Variants in SHISAL1 observed in about 807,000 individuals in gnomAD.
SHISAL1 encodes the protein protein shisa-like-1.
SHISAL1 carries 9 observed loss-of-function variants against 22.6 expected under a neutral mutation model. That is an observed-to-expected ratio of 0.40 (90% confidence interval 0.24 to 0.70). The LOEUF is 0.70. Among genes scored for constraint, SHISAL1 ranks in the 30% least tolerant of loss-of-function variants. The pLI is 0.39. For missense variants in SHISAL1, 246 were observed against 270.6 expected (o/e 0.91, Z 0.64); for synonymous variants, 119 against 115.4 (o/e 1.03, Z -0.20).
At chr22:44,272,805 C>A (rs187587085) in intron 4 of SHISAL1, among the ~76,000 whole-genome samples, 8 of 152,334 alleles carry the variant, frequency 5.3e-5, no homozygotes, top group Admixed American at 5.2e-4. Context: ...CACTAGATTG[C>A]TGTTTCATGT....
chr22:44,311,954 T>C (rs1361278316), intron 1 of SHISAL1, among the ~76,000 whole-genome samples: 2 of 152,142 alleles, frequency 1.3e-5, no homozygotes, highest in African/African-American at 4.8e-5. Flanking sequence ...AACACAAAAA[T>C]ATCACATGAA....
chr22:44,300,180 C>A (rs895822379), intron 2 of SHISAL1, among the ~76,000 whole-genome samples: 8 of 151,366 alleles, frequency 5.3e-5, no homozygotes, highest in Admixed American at 5.2e-4. Flanking sequence ...GATAGAGATA[C>A]AGAGACAGAC....
chr22:44,292,033 C>T (rs530088991), intron 3 of SHISAL1, among the ~76,000 whole-genome samples: 7 of 152,334 alleles, frequency 4.6e-5, no homozygotes, highest in Non-Finnish European at 8.8e-5. Context: ...GAGGCTGCTT[C>T]CTCTCACTCT....
the SHISAL1 span, among the ~76,000 whole-genome samples, chr22:44,330,024 A>G: frequency 2.6e-5 from 4 of 152,332 alleles, no homozygotes; most frequent in Non-Finnish European, 4.4e-5. Flanking sequence ...ACTTGATGGT[A>G]TTTCAGGCAC....
At chr22:44,272,813 T>C (rs550277758) in intron 4 of SHISAL1, among the ~76,000 whole-genome samples, 6 of 152,322 alleles carry the variant, frequency 3.9e-5, no homozygotes, top group South Asian at 2.1e-4. Flanking sequence ...TGCTGTTTCA[T>C]GTGCACATAA....
chr22:44,285,970 C>T (rs1406737237), intron 3 of SHISAL1, among the ~76,000 whole-genome samples: 1 of 152,194 alleles, frequency 6.6e-6, no homozygotes, highest in Admixed American at 6.5e-5. Flanking sequence ...CCCACCTGGG[C>T]ATCCTCCAGG....
At chr22:44,284,897 G>GCCTGCCTGCCTTCCTGCCTGCCTT (rs570595554) in intron 4 of SHISAL1, among the ~76,000 whole-genome samples, 1 of 134,504 alleles carries the variant, frequency 7.4e-6, no homozygotes, top group Non-Finnish European at 1.6e-5. Flanking sequence ...CTGCCTTCCT[G>GCCTGCCTGCCTTCCTGCCTGCCTT]CCTTCCTTCC....
chr22:44,315,443 G>A (rs1259534643), upstream of SHISAL1, among the ~76,000 whole-genome samples: 1 of 152,018 alleles, frequency 6.6e-6, no homozygotes, highest in Non-Finnish European at 1.5e-5. Context: ...TGCTGGGTGT[G>A]GTGCCGGAAC....
chr22:44,307,038 G>A (rs2055484459), intron 1 of SHISAL1, among the ~76,000 whole-genome samples: 1 of 152,182 alleles, frequency 6.6e-6, no homozygotes, highest in Non-Finnish European at 1.5e-5. Context: ...GATAATGATG[G>A]CGTGTTACAC....
chr22:44,322,355 G>A, the SHISAL1 span, among the ~76,000 whole-genome samples: 1 of 152,176 alleles, frequency 6.6e-6, no homozygotes, highest in Non-Finnish European at 1.5e-5. Flanking sequence ...TGAGTTGGAG[G>A]TGCTGCCTCA....
the SHISAL1 span, among the ~76,000 whole-genome samples, chr22:44,319,472 C>T: frequency 6.6e-6 from 1 of 152,208 alleles, no homozygotes; most frequent in Admixed American, 6.5e-5. Context: ...AAACCACTTC[C>T]CCATTACTGG....
chr22:44,316,067 C>T (rs946893531), upstream of SHISAL1, among the ~76,000 whole-genome samples: 2 of 152,214 alleles, frequency 1.3e-5, no homozygotes, highest in Non-Finnish European at 2.9e-5. Flanking sequence ...GTCTCCCACA[C>T]ATCATGCTCC....
At chr22:44,299,853 GAGAGAC>G (rs2055413823) in intron 2 of SHISAL1, among the ~76,000 whole-genome samples, 1 of 151,990 alleles carries the variant, frequency 6.6e-6, no homozygotes, top group Non-Finnish European at 1.5e-5. Flanking sequence ...GACAGAGACA[GAGAGAC>G]AGAGACAGAC....
At position 44,243,874 on chromosome 22, in the gene SHISAL1, CAG is replaced by C. The variant is rs1351090976; in HGVS notation, c.*5809_*5810del. 1 of 152,186 alleles carries C rather than the reference CAG, an allele frequency of 6.6e-6. No individual in the cohort carries two copies. Among genetic ancestry groups the C allele is most frequent in the Non-Finnish European group, 1.5e-5 (1 of 68,048 alleles). The allele number at this position is 152,186 out of a possible 1,614,324, so 9.4% of individuals were successfully genotyped here. On this transcript the variant is annotated 3_prime_UTR_variant, in exon 5 of 5. Transcript: ENST00000381176. ...GACCCCATGCCTGCTCACATGAAGT[CAG>C]AGTTTACGGGAGAGAAAATATTTCC...
chr22:44,259,518 C>G (rs959209525), intron 4 of SHISAL1, among the ~76,000 whole-genome samples: 1 of 147,222 alleles, frequency 6.8e-6, no homozygotes, highest in African/African-American at 2.5e-5. Context: ...AGCTGGGAAA[C>G]AGCAGGATGG....
intron 4 of SHISAL1, among the ~76,000 whole-genome samples, chr22:44,260,365 G>A (rs994459303): frequency 3.9e-5 from 6 of 152,236 alleles, no homozygotes; most frequent in African/African-American, 1.4e-4. Flanking sequence ...TGCTGCACAG[G>A]AAGGGAAGAA....
chr22:44,302,230 C>T (rs891871046), intron 1 of SHISAL1, among the ~76,000 whole-genome samples: 11 of 151,128 alleles, frequency 7.3e-5, no homozygotes, highest in Non-Finnish European at 5.9e-5. Flanking sequence ...GTCCCAGCTA[C>T]TTGGGAGGCC....
At chr22:44,278,877 C>G (rs1207236370) in intron 4 of SHISAL1, among the ~76,000 whole-genome samples, 3 of 152,106 alleles carry the variant, frequency 2.0e-5, no homozygotes, top group Non-Finnish European at 4.4e-5. Flanking sequence ...TCTGGGGAGT[C>G]TGCACAGTTG....
intron 4 of SHISAL1, among the ~76,000 whole-genome samples, chr22:44,258,160 G>T (rs2055097559): frequency 1.3e-5 from 2 of 152,084 alleles, no homozygotes. Context: ...ACAAAAATTA[G>T]CCAGGTGTGG....
Sources: allele counts gnomAD v4.1 joint callset (sites outside exome capture counted in the v4.1 genomes callset), GRCh38; gene constraint gnomAD v4.1.1; transcripts MANE v1.5; gene names NCBI Gene and HGNC (gene_info 2026-07-23, HGNC 2026-07-21).